ZBTB20: variants seen among roughly 807,000 people sequenced by gnomAD.
ZBTB20 encodes the protein zinc finger and BTB domain containing 20.
Under a neutral mutation model 56.9 loss-of-function variants are expected in ZBTB20, and 9 were observed. The observed-to-expected ratio is 0.16, with a 90% CI of 0.10 to 0.28. ZBTB20 has a LOEUF of 0.28. Among genes scored for constraint, ZBTB20 ranks in the 10% least tolerant of loss-of-function variants. ZBTB20 has a pLI of 1.00. For missense variants in ZBTB20, 655 were observed against 1,003.0 expected, an observed-to-expected ratio of 0.65 and a Z score of 4.69; for synonymous variants, 417 against 420.7, an observed-to-expected ratio of 0.99 and a Z score of 0.11.
At chr3:114,757,673 T>C (rs2068105316) in intron 5 of ZBTB20, among the ~76,000 whole-genome samples, 2 of 152,148 alleles carry the variant, frequency 1.3e-5, no homozygotes, top group African/African-American at 4.8e-5. Flanking sequence ...AAATATATTT[T>C]CTAAACTTTC....
intron 5 of ZBTB20, among the ~76,000 whole-genome samples, chr3:114,763,567 C>T (rs1427356014): frequency 6.6e-6 from 1 of 152,048 alleles, no homozygotes; most frequent in Admixed American, 6.6e-5. Flanking sequence ...ACTAACTCTG[C>T]TACAACCTTA....
chr3:114,831,892 AT>A (rs1286019896), intron 4 of ZBTB20, among the ~76,000 whole-genome samples: 1 of 152,016 alleles, frequency 6.6e-6, no homozygotes, highest in Non-Finnish European at 1.5e-5. Context: ...TTATTCTAGG[AT>A]TCTAGGATCC....
chr3:115,053,530 G>A (rs930209580), intron 2 of ZBTB20, among the ~76,000 whole-genome samples: 4 of 152,160 alleles, frequency 2.6e-5, no homozygotes, highest in Non-Finnish European at 5.9e-5. Flanking sequence ...GTGGAATAGT[G>A]AGAGTACTTG....
chr3:114,825,089 T>C (rs748251010), intron 4 of ZBTB20, among the ~76,000 whole-genome samples: 9 of 151,900 alleles, frequency 5.9e-5, no homozygotes, highest in Non-Finnish European at 1.3e-4. Flanking sequence ...TCTACCATCT[T>C]TACTGACAGA....
At chr3:114,838,174 A>G (rs1161515031) in intron 4 of ZBTB20, among the ~76,000 whole-genome samples, 2 of 152,220 alleles carry the variant, frequency 1.3e-5, no homozygotes, top group African/African-American at 2.4e-5. Flanking sequence ...AAGGCAGTGG[A>G]TAGATGTTAG....
chr3:114,358,776 T>C (rs540480830), intron 10 of ZBTB20, among the ~76,000 whole-genome samples: 1 of 152,316 alleles, frequency 6.6e-6, no homozygotes, highest in African/African-American at 2.4e-5. Flanking sequence ...ATACAAAGGA[T>C]CTTAAATCTA....
chr3:114,962,066 A>C (rs563138281), intron 3 of ZBTB20, among the ~76,000 whole-genome samples: 34 of 152,202 alleles, frequency 2.2e-4, no homozygotes, highest in Non-Finnish European at 4.1e-4. Flanking sequence ...CATTAAATTC[A>C]GGGAAAAATT....
At chr3:114,907,870 TAATA>T (rs2075379998) in intron 3 of ZBTB20, among the ~76,000 whole-genome samples, 2 of 151,902 alleles carry the variant, frequency 1.3e-5, no homozygotes, top group South Asian at 4.1e-4. Flanking sequence ...GGATGTCTGA[TAATA>T]AATATATAGA....
At chr3:114,515,010 A>T (rs981722352) in intron 6 of ZBTB20, among the ~76,000 whole-genome samples, 1 of 152,186 alleles carries the variant, frequency 6.6e-6, no homozygotes, top group African/African-American at 2.4e-5. Context: ...GGTGGTAATG[A>T]CAGCTGCCTT....
At chr3:114,766,593 A>G (rs762285818) in intron 5 of ZBTB20, among the ~76,000 whole-genome samples, 1 of 151,780 alleles carries the variant, frequency 6.6e-6, no homozygotes, top group Non-Finnish European at 1.5e-5. Context: ...AGGAAGTTAT[A>G]GCGTTATACA....
chr3:115,138,145 T>TG (rs568586131), intron 1 of ZBTB20, among the ~76,000 whole-genome samples: 1 of 152,204 alleles, frequency 6.6e-6, no homozygotes, highest in South Asian at 2.1e-4. Context: ...GCATGATACC[T>TG]GGTTCTTGGT....
chr3:114,906,617 G>A (rs2075327919), intron 3 of ZBTB20, among the ~76,000 whole-genome samples: 1 of 150,938 alleles, frequency 6.6e-6, no homozygotes, highest in Admixed American at 6.6e-5. Context: ...GACTTAATGA[G>A]ATTATATGTA....
At chr3:114,358,749 T>C (rs561089773) in intron 10 of ZBTB20, among the ~76,000 whole-genome samples, 4 of 152,302 alleles carry the variant, frequency 2.6e-5, no homozygotes, top group African/African-American at 9.6e-5. Flanking sequence ...TACCCCAGTA[T>C]AAATGGAACC....
chr3:114,331,985 T>A lies in ZBTB20; in HGVS notation c.*7020A>T, dbSNP rs531461382. 6.6e-6 allele frequency: 1 copy of A among 151,560 alleles called. No homozygotes were observed. The highest frequency in any genetic ancestry group is 1.9e-4 in the East Asian group (1 of 5,142). 9.4% of individuals were successfully genotyped at this position (151,560 alleles called of 1,614,324 possible). A position where few individuals can be genotyped will look rare whatever the true frequency, so the allele number is the denominator to read the frequency against. On this transcript the variant is annotated 3_prime_UTR_variant, in exon 12 of 12. Transcript: ENST00000675478. ...TTAAGACTCTTTCATTATTAGAATC[T>A]ACATATAAATTGCAATGAGTTTGCT...
chr3:114,613,263 A>G (rs1327122627), intron 6 of ZBTB20, among the ~76,000 whole-genome samples: 1 of 152,198 alleles, frequency 6.6e-6, no homozygotes. Flanking sequence ...TGGGAATGAT[A>G]ACTGGGGATA....
intron 6 of ZBTB20, among the ~76,000 whole-genome samples, chr3:114,644,964 G>T (rs1411900563): frequency 6.6e-6 from 1 of 151,786 alleles, no homozygotes; most frequent in Non-Finnish European, 1.5e-5. Context: ...TTTCCCTAAG[G>T]ATAATGTATA....
chr3:114,406,054 G>A (rs1559747045), intron 7 of ZBTB20, among the ~76,000 whole-genome samples: 1 of 151,302 alleles, frequency 6.6e-6, no homozygotes, highest in Non-Finnish European at 1.5e-5. Flanking sequence ...CTGGGTAAAT[G>A]TTATTTTTTA....
At chr3:114,582,082 T>C (rs906477797) in intron 6 of ZBTB20, 4 of 152,198 alleles carry the variant, frequency 2.6e-5, no homozygotes, top group African/African-American at 9.7e-5. Context: ...TTCATGATGA[T>C]AGAGGTTACA....
At chr3:114,963,934 C>G (rs1447959823) in intron 3 of ZBTB20, among the ~76,000 whole-genome samples, 1 of 151,944 alleles carries the variant, frequency 6.6e-6, no homozygotes, top group African/African-American at 2.4e-5. Context: ...ACCCCTTTTT[C>G]CTATATTTTT....
Sources: gnomAD v4.1 joint callset for allele counts (sites outside exome capture counted in the v4.1 genomes callset) on GRCh38, gnomAD v4.1.1 for gene constraint, MANE v1.5 for transcripts, NCBI Gene and HGNC (gene_info 2026-07-23, HGNC 2026-07-21) for gene names.